Variants in MED13L observed in about 807,000 individuals in gnomAD.
MED13L encodes the protein mediator of RNA polymerase II transcription subunit 13-like.
MED13L carries 7 observed loss-of-function variants against 220.9 expected under a neutral mutation model. The observed-to-expected ratio is 0.03, with a 90% confidence interval of 0.02 to 0.06. The LOEUF (loss-of-function observed/expected upper bound fraction) is 0.06, where lower values mean the gene tolerates loss of function less well. MED13L is among the 10% of genes least tolerant of loss of function. The probability of loss-of-function intolerance (pLI) is 1.00; values close to 1 mark genes in which losing one functional copy is unlikely to be tolerated. For synonymous variants in MED13L, 1,011 were observed against 1,015.2 expected (o/e 1.00, Z 0.08); for missense variants, 1,965 against 2,760.5 (o/e 0.71, Z 6.46).
At chr12:116,134,236 T>C (rs905572333) in intron 2 of MED13L, among the ~76,000 whole-genome samples, 5 of 152,198 alleles carry the variant, frequency 3.3e-5, no homozygotes, top group African/African-American at 1.2e-4. Context: ...TAACATAATC[T>C]GGATGATTAG....
At chr12:116,056,010 C>CAGACA (rs1348912879) in intron 4 of MED13L, among the ~76,000 whole-genome samples, 2 of 152,070 alleles carry the variant, frequency 1.3e-5, no homozygotes, top group Non-Finnish European at 2.9e-5. Context: ...GCTCCACGAG[C>CAGACA]AGACAACCAC....
intron 1 of MED13L, among the ~76,000 whole-genome samples, chr12:116,255,557 G>A (rs901661951): frequency 6.6e-6 from 1 of 152,142 alleles, no homozygotes; most frequent in Non-Finnish European, 1.5e-5. Flanking sequence ...GTTATTCAAA[G>A]AAGACAGTGA....
chr12:116,134,383 A>C (rs1285449895), intron 2 of MED13L, among the ~76,000 whole-genome samples: 1 of 152,202 alleles, frequency 6.6e-6, no homozygotes, highest in African/African-American at 2.4e-5. Flanking sequence ...CTGAATTTAC[A>C]ATTTATATTA....
intron 9 of MED13L, among the ~76,000 whole-genome samples, chr12:116,010,923 C>T (rs1040499596): frequency 6.7e-6 from 1 of 149,890 alleles, no homozygotes; most frequent in Admixed American, 6.7e-5. Flanking sequence ...TCTGTCTAGG[C>T]TGGAGTACAG....
chr12:116,160,422 C>T (rs1878767297), intron 2 of MED13L, among the ~76,000 whole-genome samples: 2 of 151,992 alleles, frequency 1.3e-5, no homozygotes, highest in South Asian at 4.2e-4. Context: ...TCTGGAGAGC[C>T]CTGCAATAGT....
chr12:115,970,819 A>ATTTC, intron 26 of MED13L, 49 bp from the exon 27 acceptor site: 1 of 1,563,858 alleles, frequency 6.4e-7, no homozygotes, highest in Non-Finnish European at 8.7e-7. Context: ...AACCCCAGAA[A>ATTTC]TGAGGTTTTC....
chr12:116,272,437 C>T (rs1249840599), intron 1 of MED13L, among the ~76,000 whole-genome samples: 1 of 152,108 alleles, frequency 6.6e-6, no homozygotes, highest in Non-Finnish European at 1.5e-5. Flanking sequence ...GTGGCAGGCG[C>T]CTGTAATCCC....
At chr12:116,123,130 C>G (rs919887282) in intron 2 of MED13L, among the ~76,000 whole-genome samples, 1 of 152,112 alleles carries the variant, frequency 6.6e-6, no homozygotes, top group Admixed American at 6.6e-5. Context: ...AACAAGGGTC[C>G]AGAAGGATTA....
chr12:116,141,575 T>C (rs181087316), intron 2 of MED13L, among the ~76,000 whole-genome samples: 5 of 152,290 alleles, frequency 3.3e-5, no homozygotes, highest in Non-Finnish European at 7.3e-5. Flanking sequence ...CCTAACTCTC[T>C]TGACAGTCTA....
chr12:116,157,896 C>T (rs1174956275), intron 2 of MED13L, among the ~76,000 whole-genome samples: 2 of 152,164 alleles, frequency 1.3e-5, no homozygotes, highest in Non-Finnish European at 2.9e-5. Flanking sequence ...AGGCAAGTCC[C>T]TTGCACCAGC....
intron 16 of MED13L, among the ~76,000 whole-genome samples, chr12:115,993,199 G>A (rs1486332558): frequency 3.3e-5 from 5 of 152,062 alleles, no homozygotes; most frequent in Non-Finnish European, 5.9e-5. Context: ...ATCCGAGGGG[G>A]TCCTGGAATC....
intron 2 of MED13L, among the ~76,000 whole-genome samples, chr12:116,156,693 T>C (rs1227229436): frequency 6.6e-6 from 1 of 152,210 alleles, no homozygotes; most frequent in Non-Finnish European, 1.5e-5. Context: ...AAAATGCAAA[T>C]ATATTTTATC....
intron 4 of MED13L, among the ~76,000 whole-genome samples, chr12:116,054,072 T>A (rs1868739063): frequency 6.6e-6 from 1 of 152,182 alleles, no homozygotes; most frequent in South Asian, 2.1e-4. Context: ...TATGCAATGA[T>A]GCCCCATTGT....
At chr12:116,014,178 A>G (rs774303140) in intron 8 of MED13L, among the ~76,000 whole-genome samples, 1 of 152,236 alleles carries the variant, frequency 6.6e-6, no homozygotes, top group Non-Finnish European at 1.5e-5. Flanking sequence ...AATATTTAGT[A>G]TGAAATTGCT....
chr12:116,186,264 G>A (rs545977057), intron 2 of MED13L, among the ~76,000 whole-genome samples: 6 of 152,128 alleles, frequency 3.9e-5, no homozygotes, highest in African/African-American at 1.4e-4. Context: ...TATCCTACTT[G>A]ACTGAGAACC....
At chr12:116,072,034 T>C (rs1870413709) in intron 4 of MED13L, among the ~76,000 whole-genome samples, 1 of 152,258 alleles carries the variant, frequency 6.6e-6, no homozygotes, top group Non-Finnish European at 1.5e-5. Context: ...TAAACAATCC[T>C]GGCTCTATTT....
At chr12:116,244,858 G>A (rs571598012) in intron 1 of MED13L, among the ~76,000 whole-genome samples, 1 of 152,280 alleles carries the variant, frequency 6.6e-6, no homozygotes, top group East Asian at 1.9e-4. Context: ...ACGCTAAAGT[G>A]AGCGGGTCTC....
At chr12:115,984,659 T>C (rs902041483) in intron 19 of MED13L, among the ~76,000 whole-genome samples, 6 of 152,130 alleles carry the variant, frequency 3.9e-5, no homozygotes, top group Admixed American at 3.9e-4. Context: ...TGCTGAACAC[T>C]ACCTGATTGC....
At chr12:116,229,990 T>C (rs1297263549) in intron 2 of MED13L, among the ~76,000 whole-genome samples, 1 of 152,250 alleles carries the variant, frequency 6.6e-6, no homozygotes, top group Non-Finnish European at 1.5e-5. Context: ...AAGTATACTT[T>C]ATAAACTACT....
Sources: allele counts gnomAD v4.1 joint callset (sites outside exome capture counted in the v4.1 genomes callset), GRCh38; gene constraint gnomAD v4.1.1; transcripts MANE v1.5; gene names NCBI Gene and HGNC (gene_info 2026-07-23, HGNC 2026-07-21).